PLEKHH2: variants seen among roughly 807,000 people sequenced by gnomAD.
PLEKHH2 encodes the protein pleckstrin homology domain-containing family H member 2.
PLEKHH2 carries 129 observed loss-of-function variants against 187.9 expected under a neutral mutation model. That is an observed-to-expected ratio of 0.69 (90% CI 0.59 to 0.79). PLEKHH2 has a LOEUF of 0.79. PLEKHH2 is among the 30% of genes least tolerant of loss of function. The pLI, the probability that PLEKHH2 is intolerant of heterozygous loss-of-function variation, is 0.00. For missense variants in PLEKHH2, 2,076 were observed against 1,751.2 expected (o/e 1.19, Z -3.31); for synonymous variants, 686 against 605.6 (o/e 1.13, Z -1.95).
chr2:43,644,908 T>A, intron 2 of PLEKHH2, 112 bp downstream of exon 2: 1 of 1,199,106 alleles, frequency 8.3e-7, no homozygotes, highest in Non-Finnish European at 1.1e-6. Context: ...TGTCAAGTAT[T>A]TGAAGCTATA....
chr2:43,674,427 C>G (rs1667628391), intron 2 of PLEKHH2, among the ~76,000 whole-genome samples: 1 of 152,126 alleles, frequency 6.6e-6, no homozygotes, highest in Admixed American at 6.5e-5. Context: ...CATGTGTTTG[C>G]TAGTTGGTTT....
chr2:43,644,702 C>A lies in PLEKHH2; in HGVS notation c.29C>A (p.Pro10Gln). 1 of 1,604,494 alleles carries A rather than the reference C, an allele frequency of 6.2e-7. No homozygotes were observed. The highest frequency in any genetic ancestry group is 8.5e-7 in the Non-Finnish European group (1 of 1,174,130). The change falls in exon 2 of 30, where the codon CCA (proline) becomes CAA (glutamine). Residue 10 changes from proline to glutamine, a missense_variant. Pro to Gln is a moderately conservative substitution (Grantham distance 76). Coordinates refer to ENST00000282406, the MANE Select transcript of PLEKHH2 (RefSeq NM_172069.4). Reference protein sequence around the residue: MAELSEPEGPVDWKERCVAL... With the variant: MAELSEPEGQVDWKERCVAL... ...GCAGAGCTTTCTGAGCCAGAGGGAC[C>A]AGTAGATTGGAAGGAACGATGTGTA...
chr2:43,697,126 T>A, intron 6 of PLEKHH2, 45 bp from the exon 7 acceptor site: 4 of 1,468,624 alleles, frequency 2.7e-6, no homozygotes, highest in Non-Finnish European at 3.7e-6. Flanking sequence ...TTTAACAAAC[T>A]TCTATAAAAA....
chr2:43,727,200 TCAGGAAGA>T (rs1468082894), intron 17 of PLEKHH2, among the ~76,000 whole-genome samples: 2 of 151,746 alleles, frequency 1.3e-5, no homozygotes, highest in East Asian at 3.9e-4. Flanking sequence ...GATCACAAGG[TCAGGAAGA>T]TCGAGACCAT....
In PLEKHH2 at chr2:43,644,782, C is replaced by A; in HGVS notation, c.109C>A (p.Leu37Ile). 3.7e-6 allele frequency: 6 copies of A among 1,606,308 alleles called. No individual in the cohort carries two copies. Among genetic ancestry groups the A allele is most frequent in the Non-Finnish European group, 5.1e-6 (6 of 1,175,720 alleles). Residue 37 changes from leucine to isoleucine, a missense_variant, in exon 2 of 30, where the codon CTT becomes ATT. Leu to Ile is a conservative substitution (Grantham distance 5, BLOSUM62 2). Transcript: ENST00000282406. ...AGTTCAAGCAAGCAAGATACGAGAG[C>A]TTTTAGCAGAGAAGGTAAGCTTTCT... is the stretch of plus-strand genomic sequence containing the variant. ...FRVQASKIRE[L>I]LAEKMQQLER...
intron 2 of PLEKHH2, among the ~76,000 whole-genome samples, chr2:43,654,564 CTTT>C (rs35454431): frequency 1.6e-3 from 200 of 126,444 alleles, no homozygotes; most frequent in African/African-American, 3.1e-3. Flanking sequence ...AACTCCTTAA[CTTT>C]TTTTTTTTTT....
At chr2:43,656,922 G>C (rs1457828608) in intron 2 of PLEKHH2, among the ~76,000 whole-genome samples, 2 of 152,210 alleles carry the variant, frequency 1.3e-5, no homozygotes. Flanking sequence ...GGGAGGCTGA[G>C]GCAGAAGAAT....
At chr2:43,691,640 G>A (rs921657801) in intron 3 of PLEKHH2, among the ~76,000 whole-genome samples, 5 of 152,106 alleles carry the variant, frequency 3.3e-5, no homozygotes, top group South Asian at 2.1e-4. Context: ...TCTGCCTCCC[G>A]CCTCTATCAT....
chr2:43,728,477 CAA>C (rs1042037842), intron 17 of PLEKHH2, among the ~76,000 whole-genome samples: 152 of 56,038 alleles, frequency 2.7e-3, no homozygotes, highest in African/African-American at 9.0e-3. Context: ...GACTCTGTCT[CAA>C]AAAAAAAAAA....
chr2:43,680,744 C>A (rs188090435), intron 3 of PLEKHH2: 19 of 408,452 alleles, frequency 4.7e-5, no homozygotes, highest in Middle Eastern at 6.4e-4. Context: ...TCAGAAGGAC[C>A]TCTATATGTG....
intron 2 of PLEKHH2, chr2:43,675,483 G>C (rs920109472): frequency 1.9e-6 from 3 of 1,613,818 alleles, no homozygotes; most frequent in Admixed American, 3.3e-5. Context: ...CCATCTTTTG[G>C]GGGGTCAGTC....
chr2:43,746,623 C>A (rs1671788327), intron 24 of PLEKHH2, among the ~76,000 whole-genome samples: 1 of 152,156 alleles, frequency 6.6e-6, no homozygotes, highest in Non-Finnish European at 1.5e-5. Context: ...ATGCATTTTT[C>A]ACTTTCATAA....
Position 43,692,672 on chromosome 2 carries a change from G to A in PLEKHH2, c.336+9G>A, listed in dbSNP as rs763721960. The A allele has an allele frequency of 8.1e-6, 13 of 1,610,820 alleles. No homozygotes were observed. Among genetic ancestry groups the A allele is most frequent in the South Asian group, 1.1e-5 (1 of 90,630 alleles). The stretch of plus-strand genomic sequence containing the variant: ...TGCAACTTGAAGAGCAGGTTAGGAA[G>A]AATTTGATAAAGAGTTCTAAGTGTG... On this transcript the variant is annotated intron_variant, in intron 4 of 29. Transcript: ENST00000282406.
At chr2:43,736,572 C>A (rs1444060516) in intron 19 of PLEKHH2, among the ~76,000 whole-genome samples, 6 of 152,014 alleles carry the variant, frequency 3.9e-5, no homozygotes, top group Admixed American at 3.9e-4. Context: ...CGGTGGCTCA[C>A]CCTGTAACCC....
chr2:43,767,204 C>T lies in PLEKHH2; in HGVS notation c.*1606C>T, dbSNP rs1672651654. 6.6e-6 allele frequency: 1 copy of T among 151,774 alleles called. No individual in the cohort carries two copies. The highest frequency in any genetic ancestry group is 1.9e-4 in the East Asian group (1 of 5,214). 9.4% of individuals were successfully genotyped at this position (151,774 alleles called of 1,614,324 possible). On this transcript the variant is annotated 3_prime_UTR_variant, in exon 30 of 30. Coordinates refer to ENST00000282406, the MANE Select transcript of PLEKHH2 (RefSeq NM_172069.4). ...TTATCACTTTGTCATTTTTTTTAAC[C>T]AATTTGAGAAATGTTAGCTGCTGAA...
At chr2:43,762,984 C>T (rs1033302636) in intron 28 of PLEKHH2, among the ~76,000 whole-genome samples, 5 of 152,088 alleles carry the variant, frequency 3.3e-5, no homozygotes, top group African/African-American at 1.2e-4. Context: ...ATTCACCTGG[C>T]AGGTCTAATC....
chr2:43,738,826 G>T (rs1671424036), intron 20 of PLEKHH2, among the ~76,000 whole-genome samples: 1 of 151,990 alleles, frequency 6.6e-6, no homozygotes, highest in Admixed American at 6.6e-5. Context: ...AACATTAATG[G>T]TCATGTTAAC....
intron 28 of PLEKHH2, 81 bp downstream of exon 28, chr2:43,762,471 T>C (rs1257188884): frequency 6.5e-6 from 7 of 1,081,364 alleles, no homozygotes; most frequent in East Asian, 4.8e-5. Context: ...TAATGATATC[T>C]TAATCTGATT....
chr2:43,684,558 C>G (rs1668400211), intron 3 of PLEKHH2, among the ~76,000 whole-genome samples: 1 of 152,024 alleles, frequency 6.6e-6, no homozygotes, highest in Non-Finnish European at 1.5e-5. Context: ...CTGCCCCACC[C>G]CAATTCCTTG....
Sources: gnomAD v4.1 joint callset for allele counts (sites outside exome capture counted in the v4.1 genomes callset) on GRCh38, gnomAD v4.1.1 for gene constraint, MANE v1.5 for transcripts, NCBI Gene and HGNC (gene_info 2026-07-23, HGNC 2026-07-21) for gene names.